Variants in ZC3H15 observed in about 807,000 individuals in gnomAD.
ZC3H15 encodes the protein zinc finger CCCH-type containing 15, also known as zinc finger CCCH domain-containing protein 15.
In ZC3H15, 15 loss-of-function variants were observed where a neutral mutation model predicts 51.2. The observed-to-expected ratio is 0.29, with a 90% CI of 0.20 to 0.45. ZC3H15 has a LOEUF of 0.45. Among genes scored for constraint, ZC3H15 ranks in the 20% least tolerant of loss-of-function variants. The pLI is 1.00. For synonymous variants in ZC3H15, 144 were observed against 162.8 expected, an observed-to-expected ratio of 0.88 and a Z score of 0.88; for missense variants, 381 against 494.7, an observed-to-expected ratio of 0.77 and a Z score of 2.18.
chr2:186,496,221 A>G (rs1307855183), intron 2 of ZC3H15, among the ~76,000 whole-genome samples: 1 of 152,124 alleles, frequency 6.6e-6, no homozygotes, highest in Non-Finnish European at 1.5e-5. Flanking sequence ...ATGTCATATG[A>G]ATTTATTTTA....
At chr2:186,500,923 T>C (rs1685372079) in intron 3 of ZC3H15, among the ~76,000 whole-genome samples, 1 of 152,166 alleles carries the variant, frequency 6.6e-6, no homozygotes, top group African/African-American at 2.4e-5. Flanking sequence ...TCTGTCTGCC[T>C]CGGCCTCCCA....
chr2:186,505,967 C>A, intron 8 of ZC3H15, 126 bp downstream of exon 8: 1 of 936,010 alleles, frequency 1.1e-6, no homozygotes, highest in East Asian at 2.6e-5. Context: ...TTACTCCAAC[C>A]ATGGGAAATT....
At chr2:186,504,587 C>T (rs976959732) in intron 6 of ZC3H15, among the ~76,000 whole-genome samples, 16 of 152,144 alleles carry the variant, frequency 1.1e-4, no homozygotes, top group South Asian at 6.2e-4. Flanking sequence ...AGCATATGTA[C>T]GGAAGAAGAC....
chr2:186,505,394 C>G (rs1166399550), intron 6 of ZC3H15, 57 bp from the exon 7 acceptor site: 1 of 1,495,672 alleles, frequency 6.7e-7, no homozygotes, highest in Non-Finnish European at 8.9e-7. Context: ...ATAACTGCAA[C>G]TAAGCACTAT....
chr2:186,489,756 A>C (rs1182013541), intron 1 of ZC3H15, among the ~76,000 whole-genome samples: 1 of 152,218 alleles, frequency 6.6e-6, no homozygotes, highest in Non-Finnish European at 1.5e-5. Flanking sequence ...AAGAGACATC[A>C]GATAGCATAA....
At position 186,486,280 on chromosome 2, in the gene ZC3H15, C is replaced by A; in HGVS notation, c.-103C>A. The stretch of plus-strand genomic sequence containing the variant: ...TGAGCGACTCGCTTTCCGTGCGGTG[C>A]GGCGAGTGAGGCCCCGGTCTTCCTC... On this transcript the variant is annotated 5_prime_UTR_variant, in exon 1 of 10. Coordinates refer to ENST00000337859, the MANE Select transcript of ZC3H15 (RefSeq NM_018471.3). 1 of 1,256,554 alleles carries A rather than the reference C, an allele frequency of 8.0e-7. No individual in the cohort carries two copies. The highest frequency in any genetic ancestry group is 1.1e-6 in the Non-Finnish European group (1 of 949,470). The allele number at this position is 1,256,554 out of a possible 1,614,324, so 77.8% of individuals were successfully genotyped here. A position where few individuals can be genotyped will look rare whatever the true frequency, so the allele number is the denominator to read the frequency against.
intron 1 of ZC3H15, among the ~76,000 whole-genome samples, chr2:186,494,710 T>C (rs1685253903): frequency 6.6e-6 from 1 of 152,144 alleles, no homozygotes; most frequent in Non-Finnish European, 1.5e-5. Flanking sequence ...CTTAGCAAAC[T>C]ATCGCAAGGA....
At chr2:186,505,255 T>G (rs1302901213) in intron 6 of ZC3H15, 196 bp from the exon 7 acceptor site, 1 of 387,242 alleles carries the variant, frequency 2.6e-6, no homozygotes. Context: ...AATAATATAT[T>G]TTTAGTGTTT....
In ZC3H15 at chr2:186,486,423, A is replaced by C. The variant is rs1325329904; in HGVS notation, c.41A>C (p.Lys14Thr). The C allele has an allele frequency of 1.3e-6, 2 of 1,564,176 alleles. No individual in the cohort carries two copies. Among genetic ancestry groups the C allele is most frequent in the Non-Finnish European group, 8.7e-7 (1 of 1,152,540 alleles). ...KKQAQAGGSK[K>T]AEQKKKEKII... is the part of the protein sequence containing the mutation. The stretch of plus-strand genomic sequence containing the variant: ...CAGGCTCAGGCCGGGGGCAGCAAAA[A>C]GGCGGAGCAAAAAAAGAAGGAGAAG... Residue 14 changes from lysine to threonine, a missense_variant, in exon 1 of 10, where the codon AAG (lysine) becomes ACG (threonine). Physicochemically the swap from Lys to Thr is moderately conservative, Grantham distance 78. Transcript: ENST00000337859.
intron 3 of ZC3H15, 117 bp from the exon 4 acceptor site, chr2:186,501,156 T>C: frequency 9.1e-7 from 1 of 1,104,100 alleles, no homozygotes; most frequent in Non-Finnish European, 1.2e-6. Flanking sequence ...AGTGCCGTTT[T>C]CCTCTCACAT....
At chr2:186,501,207 C>G in intron 3 of ZC3H15, 66 bp from the exon 4 acceptor site, 1 of 1,442,834 alleles carries the variant, frequency 6.9e-7, no homozygotes, top group Non-Finnish European at 9.2e-7. Flanking sequence ...CATCATATTT[C>G]AGGTAGAATC....
At position 186,509,018 on chromosome 2, in the gene ZC3H15, T is replaced by G. The variant is rs531226184; in HGVS notation, c.*285T>G. 2 of 526,382 alleles carry G rather than the reference T, an allele frequency of 3.8e-6. No homozygotes were observed. Among genetic ancestry groups the G allele is most frequent in the African/African-American group, 3.8e-5 (2 of 52,986 alleles). The allele number at this position is 526,382 out of a possible 1,614,324, so 32.6% of individuals were successfully genotyped here. ...ACCCAAGTAAGAAGTGTATCTGCCT[T>G]TCCATCTTTTGGTTTTCATTTGGGC... is the stretch of plus-strand genomic sequence containing the variant. On this transcript the variant is annotated 3_prime_UTR_variant, in exon 10 of 10. Coordinates refer to ENST00000337859, the MANE Select transcript of ZC3H15 (RefSeq NM_018471.3).
At chr2:186,500,544 C>T in intron 3 of ZC3H15, 2 of 606,940 alleles carry the variant, frequency 3.3e-6, no homozygotes, top group Non-Finnish European at 6.2e-6. Flanking sequence ...TAATAGACTG[C>T]TAATTGATTT....
At position 186,508,936 on chromosome 2, in the gene ZC3H15, A is replaced by T; in HGVS notation, c.*203A>T. The T allele has an allele frequency of 1.5e-6, 1 of 655,838 alleles. No homozygotes were observed. Among genetic ancestry groups the T allele is most frequent in the Non-Finnish European group, 2.8e-6 (1 of 363,394 alleles). The allele number at this position is 655,838 out of a possible 1,614,324, so 40.6% of individuals were successfully genotyped here. On this transcript the variant is annotated 3_prime_UTR_variant, in exon 10 of 10. Coordinates refer to ENST00000337859, the MANE Select transcript of ZC3H15 (RefSeq NM_018471.3). Reference sequence around the variant, plus strand: ...TCTCATAGTAAGTTCAGAGTAGTTCATGATAAATTGAAAATATAATGGTCA... The same window carrying T: ...TCTCATAGTAAGTTCAGAGTAGTTCTTGATAAATTGAAAATATAATGGTCA...
chr2:186,497,546 T>C (rs889954287), intron 2 of ZC3H15, among the ~76,000 whole-genome samples: 2 of 152,178 alleles, frequency 1.3e-5, no homozygotes, highest in Admixed American at 1.3e-4. Flanking sequence ...GCAACCCTGG[T>C]CTTTATCTGT....
chr2:186,497,951 C>T (rs1559009931), intron 2 of ZC3H15, among the ~76,000 whole-genome samples: 1 of 152,082 alleles, frequency 6.6e-6, no homozygotes, highest in Non-Finnish European at 1.5e-5. Flanking sequence ...CTAGGCCCTG[C>T]GATACATGTG....
chr2:186,504,767 T>C (rs1288650727), intron 6 of ZC3H15, among the ~76,000 whole-genome samples: 5 of 152,242 alleles, frequency 3.3e-5, no homozygotes, highest in Non-Finnish European at 7.3e-5. Flanking sequence ...ACATTAGATT[T>C]AGGGTTGCAT....
chr2:186,490,058 G>A (rs1306862295), intron 1 of ZC3H15, among the ~76,000 whole-genome samples: 1 of 152,106 alleles, frequency 6.6e-6, no homozygotes, highest in Non-Finnish European at 1.5e-5. Context: ...ACAGTGCTTA[G>A]TTCCTGCCCA....
chr2:186,493,656 A>G (rs1574422707), intron 1 of ZC3H15, among the ~76,000 whole-genome samples: 1 of 152,030 alleles, frequency 6.6e-6, no homozygotes, highest in Non-Finnish European at 1.5e-5. Context: ...TCTGGAGGCT[A>G]GAAGTCTGAA....
Sources: gnomAD v4.1 joint callset for allele counts (sites outside exome capture counted in the v4.1 genomes callset) on GRCh38, gnomAD v4.1.1 for gene constraint, MANE v1.5 for transcripts, NCBI Gene and HGNC (gene_info 2026-07-23, HGNC 2026-07-21) for gene names.